The following WWOX variants were observed in gnomAD, a reference collection of about 807,000 sequenced individuals.
WWOX encodes the protein WW domain-containing oxidoreductase.
Under a neutral mutation model 46.2 loss-of-function variants are expected in WWOX, and 69 were observed. The ratio of observed to expected loss-of-function variants is 1.49; its 90% CI spans 1.23 to 1.82. WWOX has a LOEUF of 1.82. Among genes scored for constraint, WWOX ranks in the 40% most tolerant of loss-of-function variants. The pLI is 0.00. For missense variants in WWOX, 919 were observed against 542.6 expected, an observed-to-expected ratio of 1.69 and a Z score of -6.89; for synonymous variants, 359 against 202.6, an observed-to-expected ratio of 1.77 and a Z score of -6.56.
chr16:79,178,419 C>G (rs760399602), intron 8 of WWOX, among the ~76,000 whole-genome samples: 72 of 152,058 alleles, frequency 4.7e-4, no homozygotes, highest in Non-Finnish European at 2.5e-4. Context: ...TGGGATCAAG[C>G]AGTCTTCTTG....
intron 8 of WWOX, among the ~76,000 whole-genome samples, chr16:79,123,184 C>T (rs984183189): frequency 6.6e-6 from 1 of 152,034 alleles, no homozygotes; most frequent in Non-Finnish European, 1.5e-5. Flanking sequence ...CACCGCTGGT[C>T]TGTGCTCAAC....
chr16:78,652,366 G>T (rs148058657), intron 8 of WWOX, among the ~76,000 whole-genome samples: 6 of 141,386 alleles, frequency 4.2e-5, no homozygotes, highest in African/African-American at 1.7e-4. Flanking sequence ...TCAAGGTCAC[G>T]CCAGTGTACT....
At chr16:78,100,793 C>G (rs1294858351) in intron 1 of WWOX, among the ~76,000 whole-genome samples, 1 of 152,214 alleles carries the variant, frequency 6.6e-6, no homozygotes, top group Non-Finnish European at 1.5e-5. Context: ...TCCTTGATTG[C>G]TCTTAAGATA....
rs190590063 is a variant in WWOX at position 79,128,439 on chromosome 16, C to T, written c.1057-83169C>T. Among the ~76,000 whole-genome samples the T allele has an allele frequency of 1.0e-3, 155 of 151,928 alleles. 1 individual carries two copies. The Middle Eastern group carries it at 0.01, about 10-fold the overall frequency. On this transcript the variant is annotated intron_variant, in intron 8 of 8. Transcript: ENST00000566780. The stretch of plus-strand genomic sequence containing the variant: ...TGTCCTTTTAACACTTTCAGCAACC[C>T]TGTAAAGTCATTATCATCCCCCTGT...
chr16:79,088,265 G>A (rs905804658), intron 8 of WWOX, among the ~76,000 whole-genome samples: 9 of 152,160 alleles, frequency 5.9e-5, no homozygotes, highest in East Asian at 1.9e-4. Context: ...TGGATGGGAC[G>A]TTTTAAGGTA....
At chr16:78,810,122 G>T (rs771725063) in intron 8 of WWOX, among the ~76,000 whole-genome samples, 42 of 152,322 alleles carry the variant, frequency 2.8e-4, no homozygotes, top group Non-Finnish European at 5.7e-4. Context: ...TGGGGAAGAG[G>T]AGCCCTCATA....
intron 8 of WWOX, among the ~76,000 whole-genome samples, chr16:78,967,614 T>C (rs919246232): frequency 1.3e-5 from 2 of 151,984 alleles, no homozygotes; most frequent in South Asian, 2.1e-4. Flanking sequence ...ACCCCCTATG[T>C]AGACTTTTAA....
intron 5 of WWOX, among the ~76,000 whole-genome samples, chr16:78,376,796 TG>T (rs2081839492): frequency 6.6e-6 from 1 of 152,210 alleles, no homozygotes; most frequent in South Asian, 2.1e-4. Flanking sequence ...GAGCAGACTC[TG>T]CTCACACTGG....
At chr16:78,752,158 G>C (rs1217754030) in intron 8 of WWOX, among the ~76,000 whole-genome samples, 2 of 152,198 alleles carry the variant, frequency 1.3e-5, no homozygotes, top group Non-Finnish European at 2.9e-5. Flanking sequence ...GTCTGCTTTT[G>C]AGTGATTCAC....
intron 8 of WWOX, among the ~76,000 whole-genome samples, chr16:78,573,638 A>T (rs985559408): frequency 2.0e-5 from 3 of 152,140 alleles, no homozygotes; most frequent in Non-Finnish European, 1.5e-5. Context: ...TTTGTTCATT[A>T]TTTTAATGCA....
chr16:78,284,869 C>A (rs754750991), intron 5 of WWOX, among the ~76,000 whole-genome samples: 1 of 152,126 alleles, frequency 6.6e-6, no homozygotes, highest in Non-Finnish European at 1.5e-5. Context: ...TTCAAACTTA[C>A]GTATTTCTTC....
At chr16:78,455,406 C>G (rs1597109298) in intron 8 of WWOX, among the ~76,000 whole-genome samples, 1 of 151,762 alleles carries the variant, frequency 6.6e-6, no homozygotes, top group Non-Finnish European at 1.5e-5. Context: ...TTTGGGAGGC[C>G]AAGGTGGACG....
chr16:78,779,996 C>T (rs751946873), intron 8 of WWOX, among the ~76,000 whole-genome samples: 2 of 152,300 alleles, frequency 1.3e-5, no homozygotes, highest in Non-Finnish European at 2.9e-5. Context: ...TCTTCTGTGT[C>T]AACATCTCTG....
intron 8 of WWOX, among the ~76,000 whole-genome samples, chr16:78,645,794 C>T (rs761718752): frequency 1.3e-5 from 2 of 152,170 alleles, no homozygotes; most frequent in Non-Finnish European, 2.9e-5. Flanking sequence ...GACATCCAAA[C>T]TATAGCAGGG....
intron 6 of WWOX, among the ~76,000 whole-genome samples, chr16:78,403,890 C>T (rs777405374): frequency 3.9e-5 from 6 of 152,188 alleles, no homozygotes; most frequent in Non-Finnish European, 8.8e-5. Context: ...CACTTACTTG[C>T]ACTGCAGGTC....
intron 8 of WWOX, among the ~76,000 whole-genome samples, chr16:79,112,474 G>A (rs897012979): frequency 6.6e-6 from 1 of 152,122 alleles, no homozygotes; most frequent in African/African-American, 2.4e-5. Flanking sequence ...ATGCCTGCGT[G>A]CCTTTTGACC....
intron 8 of WWOX, among the ~76,000 whole-genome samples, chr16:79,127,948 A>G (rs1319343669): frequency 1.3e-5 from 2 of 152,180 alleles, no homozygotes; most frequent in Non-Finnish European, 2.9e-5. Flanking sequence ...AGTCCACATG[A>G]CAGTTACGCA....
intron 5 of WWOX, among the ~76,000 whole-genome samples, chr16:78,195,963 A>G (rs2036039052): frequency 6.6e-6 from 1 of 152,134 alleles, no homozygotes; most frequent in Admixed American, 6.6e-5. Flanking sequence ...TGCAAGATGT[A>G]AGCTAAGAAA....
intron 8 of WWOX, among the ~76,000 whole-genome samples, chr16:78,489,007 G>T (rs891098236): frequency 6.6e-6 from 1 of 152,174 alleles, no homozygotes; most frequent in African/African-American, 2.4e-5. Context: ...TCTCTGCAGA[G>T]TGTCTAAATC....
Sources: gnomAD v4.1 joint callset for allele counts (sites outside exome capture counted in the v4.1 genomes callset) on GRCh38, gnomAD v4.1.1 for gene constraint, MANE v1.5 for transcripts, NCBI Gene and HGNC (gene_info 2026-07-23, HGNC 2026-07-21) for gene names.